TBC1D1: variants seen among roughly 807,000 people sequenced by gnomAD.
TBC1D1 encodes the protein TBC1 (tre-2/USP6, BUB2, cdc16) domain family, member 1.
Under a neutral mutation model 125.6 loss-of-function variants are expected in TBC1D1, and 89 were observed. The ratio of observed to expected loss-of-function variants is 0.71; its 90% CI spans 0.60 to 0.85. The LOEUF (loss-of-function observed/expected upper bound fraction) is 0.85, where lower values mean the gene tolerates loss of function less well. Ranked by LOEUF, TBC1D1 falls within the 40% of genes least tolerant of loss-of-function variation. The pLI is 0.00. For missense variants in TBC1D1, 1,377 were observed against 1,469.2 expected, an observed-to-expected ratio of 0.94 and a Z score of 1.03; for synonymous variants, 565 against 564.1, an observed-to-expected ratio of 1.00 and a Z score of -0.02.
intron 1 of TBC1D1, among the ~76,000 whole-genome samples, chr4:37,901,705 A>G (rs1348170569): frequency 2.1e-5 from 1 of 47,416 alleles, no homozygotes; most frequent in African/African-American, 7.4e-5. Flanking sequence ...TAATGCTGTC[A>G]GAGTAGCACT....
At chr4:38,059,206 A>G (rs1233027244) in intron 12 of TBC1D1, among the ~76,000 whole-genome samples, 1 of 152,172 alleles carries the variant, frequency 6.6e-6, no homozygotes, top group Non-Finnish European at 1.5e-5. Flanking sequence ...CAAATCCCAG[A>G]CTATTTTTTT....
At chr4:38,084,846 C>T (rs542860028) in intron 12 of TBC1D1, among the ~76,000 whole-genome samples, 3 of 152,050 alleles carry the variant, frequency 2.0e-5, no homozygotes, top group Non-Finnish European at 2.9e-5. Flanking sequence ...TCTGTCTACT[C>T]GTTTCCTTCT....
At chr4:37,999,235 GA>G (rs1358840596) in intron 2 of TBC1D1, among the ~76,000 whole-genome samples, 1 of 152,148 alleles carries the variant, frequency 6.6e-6, no homozygotes, top group Non-Finnish European at 1.5e-5. Flanking sequence ...CTGGGTGAGT[GA>G]GACTCCGTCT....
At chr4:37,892,408 C>T (rs1291456217) in intron 1 of TBC1D1, among the ~76,000 whole-genome samples, 2 of 151,528 alleles carry the variant, frequency 1.3e-5, no homozygotes, top group East Asian at 1.9e-4. Context: ...AAAGTGAGAT[C>T]CCATCTCTTA....
chr4:38,063,997 G>A (rs183334173), intron 12 of TBC1D1, among the ~76,000 whole-genome samples: 1 of 152,040 alleles, frequency 6.6e-6, no homozygotes, highest in Non-Finnish European at 1.5e-5. Context: ...ATCTACTGCC[G>A]TCCACCTCTA....
intron 3 of TBC1D1, among the ~76,000 whole-genome samples, chr4:38,017,962 G>A (rs1220688503): frequency 1.3e-5 from 2 of 152,182 alleles, no homozygotes; most frequent in Non-Finnish European, 2.9e-5. Flanking sequence ...TAAACAAATG[G>A]TAGATTCTTT....
chr4:38,101,130 T>A (rs1760246591), intron 14 of TBC1D1, among the ~76,000 whole-genome samples: 1 of 152,230 alleles, frequency 6.6e-6, no homozygotes, highest in African/African-American at 2.4e-5. Flanking sequence ...CATAGTGGCC[T>A]CGCAATCAGT....
At chr4:38,133,003 T>C in intron 18 of TBC1D1, 81 bp from the exon 21 acceptor site, 1 of 1,267,202 alleles carries the variant, frequency 7.9e-7, no homozygotes. Context: ...CAGGTGCGCA[T>C]TGTCGTGATT....
rs1435852843 is a variant in TBC1D1 at position 38,052,075 on chromosome 4, G to T, written c.1911-2124G>T. On this transcript the variant is annotated intron_variant, in intron 11 of 19. Transcript: ENST00000261439. ...GTGCCAAAGAGGTGAGCACACTCAC[G>T]TGGCAAGTTTGGTGTTGTCTGTTTT... The T allele has an allele frequency of 6.4e-7, 1 of 1,550,832 alleles. No homozygotes were observed. Among genetic ancestry groups the T allele is most frequent in the South Asian group, 1.2e-5 (1 of 84,048 alleles).
chr4:38,023,774 A>G (rs1296514675), intron 6 of TBC1D1, among the ~76,000 whole-genome samples: 1 of 152,216 alleles, frequency 6.6e-6, no homozygotes, highest in Non-Finnish European at 1.5e-5. Flanking sequence ...GCTGCTATGA[A>G]TGCTGACGTG....
At chr4:38,068,015 T>TGA (rs1347506840) in intron 12 of TBC1D1, among the ~76,000 whole-genome samples, 1 of 152,198 alleles carries the variant, frequency 6.6e-6, no homozygotes, top group African/African-American at 2.4e-5. Context: ...GTCTGGATGA[T>TGA]GAGAGAGCAG....
intron 13 of TBC1D1, among the ~76,000 whole-genome samples, chr4:38,092,552 G>A (rs1278758982): frequency 6.6e-6 from 1 of 151,878 alleles, no homozygotes; most frequent in African/African-American, 2.4e-5. Context: ...CCAATGTGGT[G>A]AAACCCTGTC....
At chr4:38,116,445 A>G (rs940583472) in intron 16 of TBC1D1, among the ~76,000 whole-genome samples, 10 of 152,198 alleles carry the variant, frequency 6.6e-5, no homozygotes, top group African/African-American at 2.4e-4. Flanking sequence ...CCTTGGGCAC[A>G]CTGCGTCACG....
chr4:38,122,682 TA>T (rs1339986932), intron 17 of TBC1D1, among the ~76,000 whole-genome samples: 1 of 152,226 alleles, frequency 6.6e-6, no homozygotes, highest in Admixed American at 6.5e-5. Context: ...CTCCAGAGCC[TA>T]ATACAGTGCC....
rs767053949 is a variant in TBC1D1 at position 38,020,586 on chromosome 4, G to C, written c.973-5G>C. On this transcript the variant is annotated splice_region_variant and splice_polypyrimidine_tract_variant and intron_variant, in intron 4 of 19. Coordinates refer to ENST00000261439, the MANE Select transcript of TBC1D1 (RefSeq NM_015173.4). ...ACTGAACATCTCGTTCTCTCCCTTT[G>C]GCAGGGCATCAGACACGTGGACCAC... The C allele has an allele frequency of 1.2e-6, 2 of 1,611,820 alleles. No homozygotes were observed. Among genetic ancestry groups the C allele is most frequent in the Non-Finnish European group, 1.7e-6 (2 of 1,178,466 alleles).
chr4:37,926,045 AT>A (rs1722040805), intron 2 of TBC1D1, among the ~76,000 whole-genome samples: 1 of 152,214 alleles, frequency 6.6e-6, no homozygotes, highest in Admixed American at 6.5e-5. Context: ...CAATGGCTCT[AT>A]GATTATCCAT....
At chr4:38,127,690 G>A (rs1478978539) in intron 18 of TBC1D1, among the ~76,000 whole-genome samples, 1 of 152,086 alleles carries the variant, frequency 6.6e-6, no homozygotes, top group Non-Finnish European at 1.5e-5. Context: ...GACCTCCACT[G>A]ACTTAATAAC....
At chr4:38,101,422 T>C (rs1760315250) in intron 14 of TBC1D1, among the ~76,000 whole-genome samples, 1 of 152,252 alleles carries the variant, frequency 6.6e-6, no homozygotes, top group Non-Finnish European at 1.5e-5. Flanking sequence ...CTAAAGAATT[T>C]TGGTTCAAAA....
Position 38,014,775 on chromosome 4 carries a change from G to C in TBC1D1, c.684G>C (p.Val228=). The C allele has an allele frequency of 6.2e-7, 1 of 1,610,752 alleles. No homozygotes were observed. ...CGCCCACAGGGAGCCAGGAGCCTGT[G>C]CGCAGGCCCATGCGCAAGTCCTTCT... is the stretch of plus-strand genomic sequence containing the variant. Residue 228 remains valine, a synonymous_variant, in exon 3 of 20, where the codon GTG becomes GTC. Transcript: ENST00000261439. This position sits in a 1 kb window ranked among gnomAD's most constrained non-coding sequence, Gnocchi z 5.1.
Sources: gnomAD v4.1 joint callset for allele counts (sites outside exome capture counted in the v4.1 genomes callset) on GRCh38, gnomAD v4.1.1 for gene constraint, Gnocchi (gnomAD v3.1) non-coding constraint, MANE v1.5 for transcripts, NCBI Gene and HGNC (gene_info 2026-07-23, HGNC 2026-07-21) for gene names.